Variants in MAF observed in about 807,000 individuals in gnomAD.
The protein encoded by MAF is MAF bZIP transcription factor.
A neutral mutation model predicts 22.0 loss-of-function variants in MAF; 10 were observed. The observed-to-expected ratio is 0.45, with a 90% CI of 0.28 to 0.77. MAF has a LOEUF of 0.77. MAF is among the 30% of genes least tolerant of loss of function. MAF has a pLI of 0.12. For missense variants in MAF, 544 were observed against 548.4 expected (o/e 0.99, Z 0.08); for synonymous variants, 337 against 255.8 (o/e 1.32, Z -3.03).
the MAF span, among the ~76,000 whole-genome samples, chr16:79,570,270 C>A: frequency 6.6e-6 from 1 of 152,120 alleles, no homozygotes. Flanking sequence ...CCCCTCCCTC[C>A]AGCCCTGGCC....
chr16:79,389,747 C>T, the MAF span, among the ~76,000 whole-genome samples: 5 of 151,830 alleles, frequency 3.3e-5, no homozygotes, highest in African/African-American at 9.7e-5. Context: ...GAGCCCGACG[C>T]GGGCGGATCA....
the MAF span, among the ~76,000 whole-genome samples, chr16:79,309,444 A>G: frequency 6.6e-6 from 1 of 152,200 alleles, no homozygotes; most frequent in Non-Finnish European, 1.5e-5. Context: ...ACGCTGAGCA[A>G]CCTTAGTGAG....
At chr16:79,329,159 C>G in the MAF span, among the ~76,000 whole-genome samples, 1 of 151,938 alleles carries the variant, frequency 6.6e-6, no homozygotes, top group Non-Finnish European at 1.5e-5. Flanking sequence ...GCAAGAAACA[C>G]CAGGGCACAT....
the MAF span, among the ~76,000 whole-genome samples, chr16:79,524,502 C>A: frequency 3.9e-5 from 6 of 152,220 alleles, no homozygotes; most frequent in South Asian, 1.2e-3. Context: ...GGCTATCCAA[C>A]ATTCATCAGC....
At chr16:79,431,552 G>T in the MAF span, among the ~76,000 whole-genome samples, 1 of 152,162 alleles carries the variant, frequency 6.6e-6, no homozygotes, top group Non-Finnish European at 1.5e-5. Flanking sequence ...TTGGGTCTCA[G>T]TTTCTCTATA....
chr16:79,401,966 A>G, the MAF span, among the ~76,000 whole-genome samples: 1 of 152,160 alleles, frequency 6.6e-6, no homozygotes, highest in East Asian at 1.9e-4. Flanking sequence ...TGCTATCATT[A>G]CCCCCATTTT....
At chr16:79,222,963 G>C in the MAF span, among the ~76,000 whole-genome samples, 1 of 152,138 alleles carries the variant, frequency 6.6e-6, no homozygotes, top group African/African-American at 2.4e-5. Context: ...ATATCGACGA[G>C]ACAGAAAATT....
At chr16:79,256,003 G>C in the MAF span, among the ~76,000 whole-genome samples, 3 of 107,434 alleles carry the variant, frequency 2.8e-5, no homozygotes, top group African/African-American at 7.7e-5. Flanking sequence ...TTTTTTGTGA[G>C]ATGGAATCTT....
the MAF span, among the ~76,000 whole-genome samples, chr16:79,579,154 G>C: frequency 6.6e-6 from 1 of 152,186 alleles, no homozygotes; most frequent in African/African-American, 2.4e-5. Context: ...GAGAATTCTA[G>C]TGCGCATACT....
chr16:79,256,906 C>T, the MAF span, among the ~76,000 whole-genome samples: 12 of 152,284 alleles, frequency 7.9e-5, no homozygotes, highest in East Asian at 1.9e-4. Context: ...GGGCTGGGCC[C>T]GGTGGCTCAC....
At chr16:79,450,499 A>G in the MAF span, among the ~76,000 whole-genome samples, 2 of 152,324 alleles carry the variant, frequency 1.3e-5, no homozygotes, top group South Asian at 2.1e-4. Flanking sequence ...GATTCAAATA[A>G]TAAGGAGGCT....
At chr16:79,246,543 GGGGGGTGT>G in the MAF span, among the ~76,000 whole-genome samples, 1 of 141,044 alleles carries the variant, frequency 7.1e-6, no homozygotes, top group African/African-American at 2.6e-5. Flanking sequence ...TTTTTTTTGG[GGGGGGTGT>G]GGGGGTGTAT....
At chr16:79,493,834 C>G in the MAF span, among the ~76,000 whole-genome samples, 1 of 151,874 alleles carries the variant, frequency 6.6e-6, no homozygotes, top group African/African-American at 2.4e-5. Flanking sequence ...ACTTTGCTTC[C>G]CCCAAAGCCT....
At chr16:79,487,284 A>C in the MAF span, among the ~76,000 whole-genome samples, 2 of 151,998 alleles carry the variant, frequency 1.3e-5, no homozygotes, top group African/African-American at 4.8e-5. Context: ...TATGATGATA[A>C]TAGTCAGAGT....
chr16:79,573,089 C>A, the MAF span, among the ~76,000 whole-genome samples: 7 of 152,248 alleles, frequency 4.6e-5, no homozygotes, highest in Non-Finnish European at 1.0e-4. Context: ...CAAAAACTGT[C>A]CATTCTTCTC....
chr16:79,358,124 A>G, the MAF span, among the ~76,000 whole-genome samples: 1 of 152,202 alleles, frequency 6.6e-6, no homozygotes, highest in African/African-American at 2.4e-5. Context: ...CTGCCCCCAG[A>G]GGAAGGGCAG....
At chr16:79,209,928 C>G in the MAF span, among the ~76,000 whole-genome samples, 1 of 152,136 alleles carries the variant, frequency 6.6e-6, no homozygotes, top group Non-Finnish European at 1.5e-5. Context: ...CCACACAAAT[C>G]AATGGGAAAA....
intron 1 of MAF, chr16:79,598,378 G>T: frequency 8.5e-7 from 1 of 1,178,936 alleles, no homozygotes; most frequent in Non-Finnish European, 1.1e-6. Flanking sequence ...GGCTTCAAAG[G>T]TGATCAACGT....
At chr16:79,357,253 C>CAACAACAACA in the MAF span, among the ~76,000 whole-genome samples, 1 of 145,976 alleles carries the variant, frequency 6.9e-6, no homozygotes, top group African/African-American at 2.6e-5. Flanking sequence ...AAGACTCTGT[C>CAACAACAACA]ACAACAACAA....
Sources: gnomAD v4.1 joint callset for allele counts (sites outside exome capture counted in the v4.1 genomes callset) on GRCh38, gnomAD v4.1.1 for gene constraint, MANE v1.5 for transcripts, NCBI Gene and HGNC (gene_info 2026-07-23, HGNC 2026-07-21) for gene names.